The following CRB1 variants were observed in gnomAD, a reference collection of about 807,000 sequenced individuals.
The protein encoded by CRB1 is protein crumbs homolog 1.
CRB1 carries 83 observed loss-of-function variants against 120.0 expected under a neutral mutation model. The ratio of observed to expected loss-of-function variants is 0.69; its 90% CI spans 0.58 to 0.83. The LOEUF (loss-of-function observed/expected upper bound fraction) is 0.83. Among genes scored for constraint, CRB1 ranks in the 40% least tolerant of loss-of-function variants. The pLI is 0.00. For synonymous variants in CRB1, 625 were observed against 612.5 expected (o/e 1.02, Z -0.30); for missense variants, 1,699 against 1,687.6 (o/e 1.01, Z -0.12).
the CRB1 span, among the ~76,000 whole-genome samples, chr1:197,227,328 A>G: frequency 6.6e-6 from 1 of 152,030 alleles, no homozygotes; most frequent in Non-Finnish European, 1.5e-5. Flanking sequence ...GGCCAAAACA[A>G]AGGGGTTACA....
intron 11 of CRB1, among the ~76,000 whole-genome samples, chr1:197,453,619 C>T (rs1028034063): frequency 1.4e-5 from 2 of 143,718 alleles, no homozygotes; most frequent in Non-Finnish European, 3.0e-5. Flanking sequence ...CTCTGTTGCC[C>T]AGGCTAGAGT....
upstream of CRB1, among the ~76,000 whole-genome samples, chr1:197,265,143 G>A (rs76675179): frequency 7.2e-3 from 1,091 of 152,166 alleles, 16 homozygotes; most frequent in African/African-American, 0.023. Flanking sequence ...GCTCATCTTC[G>A]GTAGAGGTTG....
intron 1 of CRB1, among the ~76,000 whole-genome samples, chr1:197,314,138 T>C (rs545136101): frequency 1.3e-5 from 2 of 152,320 alleles, no homozygotes; most frequent in African/African-American, 4.8e-5. Flanking sequence ...CTCCTCTCCC[T>C]CTGGTACTGC....
intron 5 of CRB1, among the ~76,000 whole-genome samples, chr1:197,380,307 A>G (rs1489197367): frequency 6.6e-6 from 1 of 152,088 alleles, no homozygotes. Context: ...ACCTGGCCAA[A>G]CTCCAACACA....
chr1:197,231,984 A>G, the CRB1 span, among the ~76,000 whole-genome samples: 1 of 152,200 alleles, frequency 6.6e-6, no homozygotes, highest in Non-Finnish European at 1.5e-5. Context: ...GGATTCTGAG[A>G]TGAGGAGATT....
rs1415521873 is a variant in CRB1 at position 197,435,092 on chromosome 1, A to C, written c.3229A>C (p.Asn1077His). 6.2e-7 allele frequency: 1 copy of C among 1,613,866 alleles called. No homozygotes were observed. Among genetic ancestry groups the C allele is most frequent in the African/African-American group, 1.3e-5 (1 of 74,912 alleles). Residue 1077 changes from asparagine (N) to histidine (H), a missense_variant, in exon 9 of 12, where the codon AAT (asparagine) becomes CAT (histidine). Physicochemically the swap from Asn to His is moderately conservative, Grantham distance 68. Transcript: ENST00000367400. ...ATGSLNFLKD[N>H]TDIYVGDRAI... ...TGGAAGCCTCAACTTTTTGAAGGAT[A>C]ATACAGATATTTATGTGGGAGACAG...
At chr1:197,416,972 G>C (rs986754458) in intron 5 of CRB1, among the ~76,000 whole-genome samples, 1 of 152,220 alleles carries the variant, frequency 6.6e-6, no homozygotes, top group Non-Finnish European at 1.5e-5. Flanking sequence ...CCTCCAAAGT[G>C]CTGGGATTAC....
At chr1:197,383,205 C>T (rs1053383667) in intron 5 of CRB1, among the ~76,000 whole-genome samples, 18 of 152,104 alleles carry the variant, frequency 1.2e-4, no homozygotes, top group Middle Eastern at 6.8e-3. Context: ...ATCTTTTAGT[C>T]AAAACACAAG....
chr1:197,399,644 T>G (rs1662962396), intron 5 of CRB1, among the ~76,000 whole-genome samples: 1 of 152,190 alleles, frequency 6.6e-6, no homozygotes, highest in African/African-American at 2.4e-5. Context: ...TCTCACAGTT[T>G]CAGTGGATAA....
At chr1:197,216,805 G>T in the CRB1 span, among the ~76,000 whole-genome samples, 1 of 152,242 alleles carries the variant, frequency 6.6e-6, no homozygotes, top group South Asian at 2.1e-4. Context: ...CAGGAATGAG[G>T]ACAGTTCCTT....
At position 197,276,965 on chromosome 1, in the gene CRB1, T is replaced by C. The variant is rs141812687; in HGVS notation, c.70+8483T>C. Among the ~76,000 whole-genome samples the C allele has an allele frequency of 2.3e-3, 351 of 152,044 alleles. 1 individual carries two copies. The highest frequency in any genetic ancestry group is 3.7e-3 in the Non-Finnish European group (248 of 67,916). On this transcript the variant is annotated intron_variant, in intron 1 of 11. Coordinates refer to ENST00000367400, the MANE Select transcript of CRB1 (RefSeq NM_201253.3). ...AACCTCCCACAAGCTCACACCAGCT[T>C]ATTTATTCCAAAAGATAAACATTGA...
At chr1:197,465,891 T>C (rs779462002) in intron 11 of CRB1, among the ~76,000 whole-genome samples, 1 of 152,214 alleles carries the variant, frequency 6.6e-6, no homozygotes, top group Non-Finnish European at 1.5e-5. Flanking sequence ...TGTTTGCTTT[T>C]TAAAATAAGA....
At chr1:197,342,149 C>G (rs148166821) in intron 2 of CRB1, among the ~76,000 whole-genome samples, 45 of 152,332 alleles carry the variant, frequency 3.0e-4, no homozygotes, top group Non-Finnish European at 6.0e-4. Context: ...CATCTTTATT[C>G]CACTGCAGCC....
intron 1 of CRB1, among the ~76,000 whole-genome samples, chr1:197,289,084 G>A (rs1329009439): frequency 1.3e-5 from 2 of 151,492 alleles, no homozygotes; most frequent in Admixed American, 1.3e-4. Context: ...CAGAGTACCT[G>A]AGAGGAGAGC....
chr1:197,453,491 T>A (rs938021778), intron 11 of CRB1, among the ~76,000 whole-genome samples: 1 of 146,254 alleles, frequency 6.8e-6, no homozygotes, highest in African/African-American at 2.5e-5. Context: ...TAACTGTGTG[T>A]GTATATATAT....
Position 197,427,632 on chromosome 1 carries a change from C to CG in CRB1, c.2309dup (p.Arg771GlnfsTer19). 6.2e-7 allele frequency: 1 copy of CG among 1,613,870 alleles called. No homozygotes were observed. The highest frequency in any genetic ancestry group is 8.5e-7 in the Non-Finnish European group (1 of 1,179,960). ...AATATATCCGTGTCTGGCTAGAGCG[C>CG]GGCAGACTAGCAATGCTGACTCCAA... On this transcript the variant is annotated frameshift_variant, in exon 7 of 12. Transcript: ENST00000367400. LOFTEE classifies it high-confidence loss of function.
chr1:197,202,549 T>A, the CRB1 span, among the ~76,000 whole-genome samples: 1 of 152,088 alleles, frequency 6.6e-6, no homozygotes, highest in Non-Finnish European at 1.5e-5. Flanking sequence ...AAAAGAATAA[T>A]TTAGAAGTGA....
At chr1:197,328,371 A>G in intron 1 of CRB1, 51 bp from the exon 2 acceptor site, 1 of 1,434,918 alleles carries the variant, frequency 7.0e-7, no homozygotes, top group South Asian at 1.2e-5. Context: ...AAGATTTTTA[A>G]CTTTGTCCTC....
rs533753102 is a variant in CRB1, at chr1:197,428,585, G to A, written c.2676+584G>A. On this transcript the variant is annotated intron_variant, in intron 7 of 11. Transcript: ENST00000367400. ...ACCTTTCAAAGGAAAAAAAGGAAAC[G>A]CATTTCTGTGTGTTGAGCGTTTGTT... Among the ~76,000 whole-genome samples the A allele has an allele frequency of 7.2e-5, 11 of 152,124 alleles. No homozygotes were observed. In the East Asian group the frequency reaches 1.2e-3, roughly 16 times the overall value.
Sources: gnomAD v4.1 joint callset for allele counts (sites outside exome capture counted in the v4.1 genomes callset) on GRCh38, gnomAD v4.1.1 for gene constraint, MANE v1.5 for transcripts, NCBI Gene and HGNC (gene_info 2026-07-23, HGNC 2026-07-21) for gene names.